The following ERI1 variants were observed in gnomAD, a reference collection of about 807,000 sequenced individuals.
The protein encoded by ERI1 is 3'-5' exoribonuclease 1.
ERI1 carries 39 observed loss-of-function variants against 39.7 expected under a neutral mutation model. The ratio of observed to expected loss-of-function variants is 0.98; its 90% CI spans 0.76 to 1.28. The LOEUF (loss-of-function observed/expected upper bound fraction) is 1.28, where lower values mean the gene tolerates loss of function less well. ERI1 is among the 50% of genes most tolerant of loss of function. The pLI, the probability that ERI1 is intolerant of heterozygous loss-of-function variation, is 0.00. For missense variants in ERI1, 581 were observed against 416.9 expected (o/e 1.39, Z -3.43); for synonymous variants, 204 against 149.6 (o/e 1.36, Z -2.65).
At chr8:9,004,626 T>C (rs1257831804) in intron 1 of ERI1, among the ~76,000 whole-genome samples, 1 of 151,276 alleles carries the variant, frequency 6.6e-6, no homozygotes, top group Admixed American at 6.6e-5. Flanking sequence ...ATCGTGCCAC[T>C]GCACTCCAAC....
chr8:9,052,112 G>A (rs113724880), intron 3 of ERI1, among the ~76,000 whole-genome samples: 3,053 of 152,260 alleles, frequency 0.02, 83 homozygotes, highest in South Asian at 0.091. Flanking sequence ...AATGTTAGCC[G>A]TTATTGTACT....
intron 6 of ERI1, among the ~76,000 whole-genome samples, chr8:9,028,202 C>G (rs990986148): frequency 6.6e-6 from 1 of 152,154 alleles, no homozygotes; most frequent in African/African-American, 2.4e-5. Context: ...TCTGGTTCAG[C>G]GCTTTTCTTT....
At chr8:9,090,615 A>G (rs1799673931) in intron 3 of ERI1, among the ~76,000 whole-genome samples, 1 of 152,246 alleles carries the variant, frequency 6.6e-6, no homozygotes, top group Admixed American at 6.5e-5. Context: ...AAAAGTTTAA[A>G]TAGGACAAAA....
intron 3 of ERI1, among the ~76,000 whole-genome samples, chr8:9,056,652 C>T (rs1040839661): frequency 6.6e-6 from 1 of 151,434 alleles, no homozygotes; most frequent in Non-Finnish European, 1.5e-5. Context: ...GTCTAAAGTG[C>T]ATTTTTTTCG....
chr8:9,057,868 G>C (rs1200131809), intron 3 of ERI1, among the ~76,000 whole-genome samples: 1 of 152,190 alleles, frequency 6.6e-6, no homozygotes, highest in Non-Finnish European at 1.5e-5. Context: ...GTCTGGCAGA[G>C]GCACCAACCA....
rs1263865570 is a variant in ERI1, at chr8:9,059,518, T to A, written n.299+39054T>A. Among the ~76,000 whole-genome samples the A allele has an allele frequency of 2.0e-5, 3 of 151,878 alleles. No homozygotes were observed. The East Asian group carries it at 5.8e-4, about 29-fold the overall frequency. The stretch of plus-strand genomic sequence containing the variant: ...TGTGGAAAGGGGTGATATTGTGGGG[T>A]TGTTAGAAGAAACATTTGTCTTATA... On this transcript the variant is annotated intron_variant and non_coding_transcript_variant, in intron 3 of 3. Coordinates refer to the ERI1 transcript ENST00000518663.
rs889126314 is a variant in ERI1 at position 9,032,542 on chromosome 8, C to G, written c.*2508C>G. 1.3e-5 allele frequency: 2 copies of G among 152,052 alleles called. No homozygotes were observed. Among genetic ancestry groups the G allele is most frequent in the Non-Finnish European group, 2.9e-5 (2 of 68,010 alleles). 9.4% of individuals were successfully genotyped at this position (152,052 alleles called of 1,614,324 possible). A position where few individuals can be genotyped will look rare whatever the true frequency, so the allele number is the denominator to read the frequency against. Reference sequence around the variant, plus strand: ...CTTGAGATAGATCCATTTATCCTGCCTCCTAGGGAGAAGTTTCTGCCTGGA... The same window carrying G: ...CTTGAGATAGATCCATTTATCCTGCGTCCTAGGGAGAAGTTTCTGCCTGGA... On this transcript the variant is annotated 3_prime_UTR_variant, in exon 7 of 7. Coordinates refer to ENST00000250263, the MANE Select transcript of ERI1 (RefSeq NM_153332.4).
At chr8:9,011,878 C>T in intron 3 of ERI1, 126 bp downstream of exon 3, 1 of 648,694 alleles carries the variant, frequency 1.5e-6, no homozygotes, top group Non-Finnish European at 2.5e-6. Flanking sequence ...TTTTCTTTGC[C>T]ATGAACTTTA....
At chr8:9,005,608 G>C (rs1463796718) in intron 1 of ERI1, among the ~76,000 whole-genome samples, 1 of 150,170 alleles carries the variant, frequency 6.7e-6, no homozygotes, top group East Asian at 2.0e-4. Context: ...TCCGCCTCAC[G>C]GGTTCACGCC....
At position 9,007,098 on chromosome 8, in the gene ERI1, T is replaced by C. The variant is rs146438098; in HGVS notation, c.109-872T>C. Among the ~76,000 whole-genome samples, 88 of 152,352 alleles carry C rather than the reference T, an allele frequency of 5.8e-4. 1 individual carries two copies. Among genetic ancestry groups the C allele is most frequent in the African/African-American group, 2.0e-3 (85 of 41,590 alleles). ...GGAAAATAACTTACAAATGAATCTTTGGAACTTAACATATTAGTAATTTGA... is the reference window on the plus strand; with the variant it reads ...GGAAAATAACTTACAAATGAATCTTCGGAACTTAACATATTAGTAATTTGA... On this transcript the variant is annotated intron_variant, in intron 1 of 6. Coordinates refer to ENST00000250263, the MANE Select transcript of ERI1 (RefSeq NM_153332.4).
chr8:9,007,378 A>G (rs1293987226), intron 1 of ERI1, among the ~76,000 whole-genome samples: 1 of 152,232 alleles, frequency 6.6e-6, no homozygotes, highest in Admixed American at 6.5e-5. Flanking sequence ...AAAAATTATC[A>G]GAAGTTATTA....
At chr8:9,052,716 T>C (rs1468811957) in intron 3 of ERI1, among the ~76,000 whole-genome samples, 4 of 152,218 alleles carry the variant, frequency 2.6e-5, no homozygotes, top group Admixed American at 1.3e-4. Flanking sequence ...ATAAAAAATA[T>C]GTTTGGTCTT....
intron 6 of ERI1, among the ~76,000 whole-genome samples, chr8:9,023,993 G>A (rs758449539): frequency 1.9e-4 from 29 of 151,644 alleles, no homozygotes; most frequent in Middle Eastern, 3.2e-3. Flanking sequence ...GTAGAGACGG[G>A]GTTTCACCAT....
chr8:9,017,853 A>T (rs141597368), intron 4 of ERI1, among the ~76,000 whole-genome samples: 25 of 152,302 alleles, frequency 1.6e-4, no homozygotes, highest in African/African-American at 5.1e-4. Context: ...TATGAGAGTG[A>T]TAGGGCGGAC....
At chr8:9,015,750 C>T (rs552378090) in intron 3 of ERI1, among the ~76,000 whole-genome samples, 10 of 134,976 alleles carry the variant, frequency 7.4e-5, no homozygotes, top group African/African-American at 2.7e-4. Context: ...AAGAGACCAT[C>T]GTGAAAGCTT....
In ERI1 at chr8:9,020,455, T is replaced by A; in HGVS notation, c.798T>A (p.Asn266Lys). 1 of 1,585,352 alleles carries A rather than the reference T, an allele frequency of 6.3e-7. No homozygotes were observed. Among genetic ancestry groups the A allele is most frequent in the Non-Finnish European group, 8.6e-7 (1 of 1,164,902 alleles). ...TCAATATTCGGAAGTCATATGGAAA[T>A]TTTTACAAGGTAAAATTTCTATATT... ...KWINIRKSYGNFYKVPRSQTK... is the reference protein window; with the variant it reads ...KWINIRKSYGKFYKVPRSQTK... The change falls in exon 6 of 7, where the codon AAT becomes AAA. Residue 266 changes from asparagine to lysine, a missense_variant. Transcript: ENST00000250263.
intron 1 of ERI1, chr8:9,004,363 C>T (rs1192616442): frequency 1.1e-6 from 1 of 932,610 alleles, no homozygotes; most frequent in Non-Finnish European, 1.4e-6. Flanking sequence ...GAATATGCTT[C>T]TTTATATTTG....
At chr8:9,081,395 G>T (rs188370337) in intron 3 of ERI1, among the ~76,000 whole-genome samples, 1 of 152,338 alleles carries the variant, frequency 6.6e-6, no homozygotes, top group Non-Finnish European at 1.5e-5. Context: ...TGCCAAGGGT[G>T]CATTGAGGTT....
At chr8:9,065,199 A>G (rs1798836090) in intron 3 of ERI1, among the ~76,000 whole-genome samples, 3 of 152,246 alleles carry the variant, frequency 2.0e-5, no homozygotes, top group South Asian at 2.1e-4. Context: ...CCTGACACCA[A>G]CTATCTATAG....
Sources: allele counts gnomAD v4.1 joint callset (sites outside exome capture counted in the v4.1 genomes callset), GRCh38; gene constraint gnomAD v4.1.1; transcripts MANE v1.5; gene names NCBI Gene and HGNC (gene_info 2026-07-23, HGNC 2026-07-21).